The following CHST6 variants were observed in gnomAD, a reference collection of about 807,000 sequenced individuals.
CHST6 encodes the protein N-acetylglucosamine 6-O-sulfotransferase 5.
For synonymous variants in CHST6, 309 were observed against 276.4 expected (o/e 1.12, Z -1.17); for missense variants, 698 against 586.2 (o/e 1.19, Z -1.97).
In CHST6 at chr16:75,474,619, G is replaced by T. The variant is rs1486942685; in HGVS notation, c.*4022C>A. 7.5e-6 allele frequency: 3 copies of T among 398,860 alleles called. No individual in the cohort carries two copies. Among genetic ancestry groups the T allele is most frequent in the Admixed American group, 4.4e-5 (1 of 22,712 alleles). The allele number at this position is 398,860 out of a possible 1,614,324, so 24.7% of individuals were successfully genotyped here. On this transcript the variant is annotated 3_prime_UTR_variant, in exon 3 of 3. Transcript: ENST00000332272. ...TAGAAGTGTATTGGCTTACAGTTCT[G>T]GAGGCTGGGAAGCCCAAGATCAAGG...
chr16:75,490,371 G>A (rs369794279), intron 1 of CHST6, among the ~76,000 whole-genome samples: 39 of 151,942 alleles, frequency 2.6e-4, no homozygotes, highest in Non-Finnish European at 4.3e-4. Flanking sequence ...CCAGCTACTC[G>A]GGAGGCTGAG....
At position 75,475,716 on chromosome 16, in the gene CHST6, A is replaced by T. The variant is rs926404482; in HGVS notation, c.*2925T>A. ...GAGCAAATTCAGGAGCCAGTCAAGC[A>T]TGTCCTGACACCTTGGGAGTCAGGG... is the stretch of plus-strand genomic sequence containing the variant. On this transcript the variant is annotated 3_prime_UTR_variant, in exon 3 of 3. Transcript: ENST00000332272. 3.3e-5 allele frequency: 5 copies of T among 152,244 alleles called. No individual in the cohort carries two copies. Among genetic ancestry groups the T allele is most frequent in the African/African-American group, 9.6e-5 (4 of 41,462 alleles). The allele number at this position is 152,244 out of a possible 1,614,324, so 9.4% of individuals were successfully genotyped here.
At position 75,474,509 on chromosome 16, in the gene CHST6, C is replaced by T. The variant is rs370634016; in HGVS notation, c.*4132G>A. ...CAGGCTGGTCTTGAGTGCCTGGTCT[C>T]AAGTGATCCTCCTGCCTCAGCCTTG... On this transcript the variant is annotated 3_prime_UTR_variant, in exon 3 of 3. Coordinates refer to ENST00000332272, the MANE Select transcript of CHST6 (RefSeq NM_021615.5). 1.0e-5 allele frequency: 4 copies of T among 396,754 alleles called. No individual in the cohort carries two copies. The highest frequency in any genetic ancestry group is 8.2e-5 in the African/African-American group (4 of 48,578). 24.6% of individuals were successfully genotyped at this position (396,754 alleles called of 1,614,324 possible).
At chr16:75,492,937 C>T (rs189976364) in intron 1 of CHST6, among the ~76,000 whole-genome samples, 3 of 152,158 alleles carry the variant, frequency 2.0e-5, no homozygotes, top group Admixed American at 6.5e-5. Context: ...TTGAAAAAAA[C>T]ATCTGCCAGG....
intron 1 of CHST6, among the ~76,000 whole-genome samples, chr16:75,491,216 T>TATATAA (rs2080253530): frequency 1.7e-5 from 2 of 118,534 alleles, no homozygotes; most frequent in African/African-American, 6.3e-5. Context: ...TATATATATA[T>TATATAA]ATAAAATATA....
Position 75,479,485 on chromosome 16 carries a change from C to A in CHST6, c.344G>T (p.Arg115Leu), listed in dbSNP as rs757286105. The A allele has an allele frequency of 1.2e-6, 2 of 1,612,880 alleles. No homozygotes were observed. The highest frequency in any genetic ancestry group is 1.7e-6 in the Non-Finnish European group (2 of 1,179,848). Residue 115 changes from arginine (R) to leucine (L), a missense_variant, in exon 3 of 3, where the codon CGC becomes CTC. Transcript: ENST00000332272. ...CCACTGGAAGAGGTCGGACAGGTTG[C>A]GGCGCCAAGGCAGATAGGCATCAAA... ...DVFDAYLPWR[R>L]NLSDLFQWAV...
In CHST6 at chr16:75,472,250, G is replaced by A; in HGVS notation, c.*6391C>T. 6.6e-6 allele frequency: 1 copy of A among 152,190 alleles called. No individual in the cohort carries two copies. The highest frequency in any genetic ancestry group is 1.9e-4 in the East Asian group (1 of 5,202). 9.4% of individuals were successfully genotyped at this position (152,190 alleles called of 1,614,324 possible). A position where few individuals can be genotyped will look rare whatever the true frequency, so the allele number is the denominator to read the frequency against. On this transcript the variant is annotated 3_prime_UTR_variant, in exon 3 of 3. Transcript: ENST00000332272. ...TTTAATCAAACTTTACACTTTATGT[G>A]CAGATGTTGTATATCAATTATAGCT...
chr16:75,485,321 C>T (rs908485956), intron 1 of CHST6, among the ~76,000 whole-genome samples: 2 of 152,180 alleles, frequency 1.3e-5, no homozygotes, highest in African/African-American at 4.8e-5. Flanking sequence ...TGCCTGGAGG[C>T]CAGGCACGGT....
intron 1 of CHST6, among the ~76,000 whole-genome samples, chr16:75,484,678 T>C (rs2080176604): frequency 6.6e-6 from 1 of 151,902 alleles, no homozygotes; most frequent in Admixed American, 6.6e-5. Flanking sequence ...GACAAAACCC[T>C]ACTAAAAATA....
chr16:75,484,323 C>T (rs965429008), intron 1 of CHST6, among the ~76,000 whole-genome samples: 23 of 152,158 alleles, frequency 1.5e-4, no homozygotes, highest in African/African-American at 5.3e-4. Context: ...GGTGACAGAG[C>T]GAGACTCCGT....
chr16:75,492,760 G>GA (rs1279497749), intron 1 of CHST6, among the ~76,000 whole-genome samples: 1 of 103,206 alleles, frequency 9.7e-6, no homozygotes, highest in African/African-American at 7.1e-5. Flanking sequence ...TGAGGCAGGA[G>GA]AATCACTGGA....
rs968538456 is a variant in CHST6 at position 75,478,573 on chromosome 16, C to T, written c.*68G>A. 3.3e-6 allele frequency: 5 copies of T among 1,520,576 alleles called. No individual in the cohort carries two copies. In the African/African-American group the frequency reaches 5.5e-5, roughly 17 times the overall value. The allele number at this position is 1,520,576 out of a possible 1,614,324, so 94.2% of individuals were successfully genotyped here. ...CAATATAGGGACCTGCTTCTCCGTG[C>T]GCCCCAGCCCCCTCTGCACCATGCA... On this transcript the variant is annotated 3_prime_UTR_variant, in exon 3 of 3. Coordinates refer to ENST00000332272, the MANE Select transcript of CHST6 (RefSeq NM_021615.5).
At chr16:75,487,743 G>A (rs573156665) in intron 1 of CHST6, among the ~76,000 whole-genome samples, 1 of 148,656 alleles carries the variant, frequency 6.7e-6, no homozygotes, top group Non-Finnish European at 1.5e-5. Context: ...AGCTTGCAGT[G>A]AGCTGAGATC....
rs1463190936 is a variant in CHST6, at chr16:75,472,082, A to G, written c.*6559T>C. The G allele has an allele frequency of 6.6e-6, 1 of 152,262 alleles. No homozygotes were observed. Among genetic ancestry groups the G allele is most frequent in the Non-Finnish European group, 1.5e-5 (1 of 68,050 alleles). 9.4% of individuals were successfully genotyped at this position (152,262 alleles called of 1,614,324 possible). The stretch of plus-strand genomic sequence containing the variant: ...TGAAGACCATTTTTATCACTGTAGC[A>G]GGACAAAGTCGTTTCAACAAGACAT... On this transcript the variant is annotated 3_prime_UTR_variant, in exon 3 of 3. Coordinates refer to ENST00000332272, the MANE Select transcript of CHST6 (RefSeq NM_021615.5).
chr16:75,487,208 G>A (rs1017680950), intron 1 of CHST6, among the ~76,000 whole-genome samples: 1 of 152,158 alleles, frequency 6.6e-6, no homozygotes, highest in Non-Finnish European at 1.5e-5. Context: ...TCTTGGCCTG[G>A]CCTGAGAGAC....
intron 2 of CHST6, among the ~76,000 whole-genome samples, chr16:75,481,430 C>CA (rs200348625): frequency 2.0e-3 from 307 of 151,380 alleles, no homozygotes; most frequent in African/African-American, 7.0e-3. Context: ...CCATCTCTAC[C>CA]AAAAAAAATA....
At chr16:75,489,661 G>A (rs533383451) in intron 1 of CHST6, among the ~76,000 whole-genome samples, 1 of 152,020 alleles carries the variant, frequency 6.6e-6, no homozygotes, top group African/African-American at 2.4e-5. Context: ...CTCACAGATG[G>A]GAGAAAACAG....
In CHST6 at chr16:75,473,598, T is replaced by A. The variant is rs945169078; in HGVS notation, c.*5043A>T. On this transcript the variant is annotated 3_prime_UTR_variant, in exon 3 of 3. Transcript: ENST00000332272. Reference sequence around the variant, plus strand: ...TCAGGTTTCCCTCCCCTTTTCTGCCTAAAGGCACGATATAAACTCTCCATC... The same window carrying A: ...TCAGGTTTCCCTCCCCTTTTCTGCCAAAAGGCACGATATAAACTCTCCATC... 2.0e-5 allele frequency: 3 copies of A among 152,144 alleles called. No homozygotes were observed. Among genetic ancestry groups the A allele is most frequent in the Admixed American group, 1.3e-4 (2 of 15,272 alleles). The allele number at this position is 152,144 out of a possible 1,614,324, so 9.4% of individuals were successfully genotyped here. A position where few individuals can be genotyped will look rare whatever the true frequency, so the allele number is the denominator to read the frequency against.
rs535645287 is a variant in CHST6 at position 75,475,554 on chromosome 16, T to A, written c.*3087A>T. The A allele has an allele frequency of 1.3e-5, 2 of 152,206 alleles. No homozygotes were observed. Among genetic ancestry groups the A allele is most frequent in the African/African-American group, 4.8e-5 (2 of 41,440 alleles). 9.4% of individuals were successfully genotyped at this position (152,206 alleles called of 1,614,324 possible). On this transcript the variant is annotated 3_prime_UTR_variant, in exon 3 of 3. Coordinates refer to ENST00000332272, the MANE Select transcript of CHST6 (RefSeq NM_021615.5). Reference sequence around the variant, plus strand: ...TTGGGACTGCACTCTCACAGAGATATAAGACATACGTGATCAGCACAAGTA... The same window carrying A: ...TTGGGACTGCACTCTCACAGAGATAAAAGACATACGTGATCAGCACAAGTA...
Sources: gnomAD v4.1 joint callset for allele counts (sites outside exome capture counted in the v4.1 genomes callset) on GRCh38, gnomAD v4.1.1 for gene constraint, MANE v1.5 for transcripts, NCBI Gene and HGNC (gene_info 2026-07-23, HGNC 2026-07-21) for gene names.